The following COL24A1 variants were observed in gnomAD, a reference collection of about 807,000 sequenced individuals.
COL24A1 encodes the protein collagen type XXIV alpha 1 chain, also known as collagen alpha-1(XXIV) chain.
COL24A1 carries 224 observed loss-of-function variants against 253.9 expected under a neutral mutation model. The observed-to-expected ratio is 0.88, with a 90% CI of 0.79 to 0.99. The LOEUF is 0.99. Ranked by LOEUF, COL24A1 falls within the 50% of genes least tolerant of loss-of-function variation. The probability of loss-of-function intolerance (pLI) is 0.00; values close to 1 mark genes in which losing one functional copy is unlikely to be tolerated. For synonymous variants in COL24A1, 685 were observed against 673.7 expected (o/e 1.02, Z -0.26); for missense variants, 2,131 against 2,068.5 (o/e 1.03, Z -0.59).
At position 86,081,200 on chromosome 1, in the gene COL24A1, C is replaced by T. The variant is rs575505563; in HGVS notation, c.1707+7974G>A. On this transcript the variant is annotated intron_variant, in intron 7 of 59. Coordinates refer to ENST00000370571, the MANE Select transcript of COL24A1 (RefSeq NM_152890.7). ...TTATCACACTAAGCAAGCATATTTC[C>T]TATGCCTTGGCAAATTGTCATACTC... 4.6e-5 allele frequency among the ~76,000 whole-genome samples: 7 copies of T among 152,236 alleles called. No individual in the cohort carries two copies. In the East Asian group the frequency reaches 1.3e-3, roughly 29 times the overall value.
At chr1:85,837,105 G>T (rs528660694) in intron 43 of COL24A1, among the ~76,000 whole-genome samples, 1 of 152,144 alleles carries the variant, frequency 6.6e-6, no homozygotes, top group Non-Finnish European at 1.5e-5. Flanking sequence ...CTCAAATTAT[G>T]CTGGAAGCAG....
In COL24A1 at chr1:85,906,264, C is replaced by CTTTTTTTTTTTTCTTTT. The variant is rs530655614; in HGVS notation, c.2778+929_2778+930insAAAAGAAAAAAAAAAAA. Among the ~76,000 whole-genome samples, 4 of 77,848 alleles carry CTTTTTTTTTTTTCTTTT rather than the reference C, an allele frequency of 5.1e-5. 1 individual carries two copies. Among genetic ancestry groups the CTTTTTTTTTTTTCTTTT allele is most frequent in the Non-Finnish European group, 9.4e-5 (4 of 42,390 alleles). 51.1% of individuals were successfully genotyped at this position (77,848 alleles called of 152,430 possible). On this transcript the variant is annotated intron_variant, in intron 28 of 59. Transcript: ENST00000370571. ...TTTGCCAACTGGAAAACTGCAAGGT[C>CTTTTTTTTTTTTCTTTT]TTTTTTTTTTTTTACCATGGTTAGG...
intron 53 of COL24A1, among the ~76,000 whole-genome samples, chr1:85,774,535 G>A (rs951042169): frequency 6.6e-6 from 1 of 152,106 alleles, no homozygotes; most frequent in South Asian, 2.1e-4. Context: ...ATTAATTATT[G>A]CCTCAATTTC....
intron 19 of COL24A1, among the ~76,000 whole-genome samples, chr1:86,006,341 C>T (rs1695954434): frequency 6.6e-6 from 1 of 152,014 alleles, no homozygotes; most frequent in African/African-American, 2.4e-5. Context: ...AATAGAGAAC[C>T]CAGAAATAGA....
chr1:85,786,556 G>A (rs931672012), intron 47 of COL24A1, 95 bp from the exon 48 acceptor site: 2 of 1,085,448 alleles, frequency 1.8e-6, no homozygotes, highest in East Asian at 2.5e-5. Flanking sequence ...GCCCCGAAAG[G>A]CGTCTGTTAA....
chr1:86,027,156 G>C (rs1470138359), intron 14 of COL24A1, among the ~76,000 whole-genome samples: 1 of 152,150 alleles, frequency 6.6e-6, no homozygotes, highest in Non-Finnish European at 1.5e-5. Flanking sequence ...ATGTTTAAAA[G>C]GGAAGCAAAG....
At chr1:85,761,928 C>T (rs958493643) in intron 53 of COL24A1, among the ~76,000 whole-genome samples, 1 of 152,132 alleles carries the variant, frequency 6.6e-6, no homozygotes, top group Non-Finnish European at 1.5e-5. Context: ...TTCTTAGACA[C>T]ATTAATTTCC....
Position 86,020,846 on chromosome 1 carries a change from C to G in COL24A1, c.2256+1394G>C, listed in dbSNP as rs1249558094. ...TAGCTTCATGACCTAGTCTCATGAT[C>G]CAATTTATGCACTCTAGAGTTTCTG... On this transcript the variant is annotated intron_variant, in intron 18 of 59. Transcript: ENST00000370571. 2.0e-5 allele frequency among the ~76,000 whole-genome samples: 3 copies of G among 152,224 alleles called. No individual in the cohort carries two copies. In the South Asian group the frequency reaches 6.2e-4, roughly 32 times the overall value.
At position 85,997,055 on chromosome 1, in the gene COL24A1, G is replaced by GTGTGTGTGTGTGTGTGTGTATA; in HGVS notation, c.2311-9402_2311-9401insTATACACACACACACACACACA. ...TATATATATATATGTGTGTGTGTGT[G>GTGTGTGTGTGTGTGTGTGTATA]TATATATATATATATATATATATAT... On this transcript the variant is annotated intron_variant, in intron 19 of 59. Transcript: ENST00000370571. Among the ~76,000 whole-genome samples the GTGTGTGTGTGTGTGTGTGTATA allele has an allele frequency of 5.3e-5, 5 of 95,116 alleles. No individual in the cohort carries two copies. In the Admixed American group the frequency reaches 5.4e-4, roughly 10 times the overall value. The allele number at this position is 95,116 out of a possible 152,430, so 62.4% of individuals were successfully genotyped here.
At chr1:86,001,345 T>C (rs771311659) in intron 19 of COL24A1, among the ~76,000 whole-genome samples, 9 of 152,332 alleles carry the variant, frequency 5.9e-5, no homozygotes, top group Non-Finnish European at 1.2e-4. Flanking sequence ...CCAACTCTTA[T>C]GAAGATTTGA....
intron 5 of COL24A1, among the ~76,000 whole-genome samples, chr1:86,101,927 C>T (rs1571921843): frequency 6.6e-6 from 1 of 151,864 alleles, no homozygotes; most frequent in East Asian, 1.9e-4. Flanking sequence ...CCTTCCTCCT[C>T]AAATTTTTGG....
At chr1:86,151,234 T>C (rs535985130) in intron 1 of COL24A1, among the ~76,000 whole-genome samples, 2 of 152,264 alleles carry the variant, frequency 1.3e-5, no homozygotes, top group Non-Finnish European at 2.9e-5. Context: ...TTCATTCATA[T>C]ATTTAGTTTA....
At chr1:85,988,505 G>T in intron 19 of COL24A1, among the ~76,000 whole-genome samples, 1 of 151,958 alleles carries the variant, frequency 6.6e-6, no homozygotes, top group East Asian at 1.9e-4. Context: ...ATCAAATTAT[G>T]ATTCAATAAT....
chr1:85,764,621 A>G (rs1220100796), intron 53 of COL24A1, among the ~76,000 whole-genome samples: 1 of 152,094 alleles, frequency 6.6e-6, no homozygotes, highest in Non-Finnish European at 1.5e-5. Context: ...TTTGTAACTT[A>G]ATTTGCTATA....
At chr1:86,110,717 G>A (rs568358904) in intron 5 of COL24A1, among the ~76,000 whole-genome samples, 32 of 152,248 alleles carry the variant, frequency 2.1e-4, no homozygotes, top group African/African-American at 6.3e-4. Context: ...GCTGGGTCCC[G>A]CAGCACTGAT....
chr1:85,833,436 G>A (rs1267864874), intron 43 of COL24A1, among the ~76,000 whole-genome samples: 1 of 152,184 alleles, frequency 6.6e-6, no homozygotes, highest in Non-Finnish European at 1.5e-5. Context: ...ACACCAGTTA[G>A]AATGGTGATC....
At chr1:85,803,475 AAAC>A (rs1248453918) in intron 47 of COL24A1, among the ~76,000 whole-genome samples, 1 of 151,736 alleles carries the variant, frequency 6.6e-6, no homozygotes, top group Non-Finnish European at 1.5e-5. Context: ...AACAAAACAA[AAAC>A]AACAATATAG....
intron 24 of COL24A1, among the ~76,000 whole-genome samples, chr1:85,937,896 TA>T (rs1163986510): frequency 2.7e-5 from 4 of 147,502 alleles, no homozygotes; most frequent in African/African-American, 5.0e-5. Context: ...TTTAGTAGCT[TA>T]AAAAGTGTCT....
intron 2 of COL24A1, among the ~76,000 whole-genome samples, chr1:86,126,682 A>G (rs1174469573): frequency 6.6e-6 from 1 of 152,082 alleles, no homozygotes; most frequent in African/African-American, 2.4e-5. Context: ...TCTATTGCCC[A>G]GGATAGTCTT....
Sources: gnomAD v4.1 joint callset for allele counts (sites outside exome capture counted in the v4.1 genomes callset) on GRCh38, gnomAD v4.1.1 for gene constraint, MANE v1.5 for transcripts, NCBI Gene and HGNC (gene_info 2026-07-23, HGNC 2026-07-21) for gene names.